Variants in VGLL4 observed in about 807,000 individuals in gnomAD.
VGLL4 encodes transcription cofactor vestigial-like protein 4.
In VGLL4, 7 loss-of-function variants were observed where a neutral mutation model predicts 21.0. That is an observed-to-expected ratio of 0.33 (90% confidence interval 0.19 to 0.63). The LOEUF is 0.63. Among genes scored for constraint, VGLL4 ranks in the 20% least tolerant of loss-of-function variants. VGLL4 has a pLI of 0.78. For missense variants in VGLL4, 394 were observed against 425.7 expected (o/e 0.93, Z 0.66); for synonymous variants, 222 against 173.2 (o/e 1.28, Z -2.21).
chr3:11,560,963 C>T (rs774387052), intron 3 of VGLL4, among the ~76,000 whole-genome samples: 21 of 152,100 alleles, frequency 1.4e-4, no homozygotes, highest in Non-Finnish European at 2.8e-4. Flanking sequence ...GCAGATCTCA[C>T]ACTGGCTGAC....
chr3:11,662,086 C>T (rs2076046719), intron 2 of VGLL4, among the ~76,000 whole-genome samples: 3 of 152,154 alleles, frequency 2.0e-5, no homozygotes, highest in Admixed American at 2.0e-4. Flanking sequence ...CCCAAGAAAG[C>T]TATCAGAAGA....
chr3:11,625,944 A>C (rs978398496), intron 1 of VGLL4, among the ~76,000 whole-genome samples: 2 of 152,172 alleles, frequency 1.3e-5, no homozygotes, highest in Non-Finnish European at 2.9e-5. Flanking sequence ...GGGAGTGATG[A>C]AAATGTTCTA....
rs1283653510 is a variant in VGLL4 at position 11,573,318 on chromosome 3, A to AG, written c.273-8300dup. Among the ~76,000 whole-genome samples, 9 of 19,974 alleles carry AG rather than the reference A, an allele frequency of 4.5e-4. 1 individual carries two copies. Among genetic ancestry groups the AG allele is most frequent in the African/African-American group, 1.9e-3 (7 of 3,640 alleles). The allele number at this position is 19,974 out of a possible 152,430, so 13.1% of individuals were successfully genotyped here. A position where few individuals can be genotyped will look rare whatever the true frequency, so the allele number is the denominator to read the frequency against. ...AAGAAAGAAAGAAAGGAAGGAAGGA[A>AG]GAAAGAAAGAAAGAAAGAAAGAAAG... On this transcript the variant is annotated intron_variant, in intron 2 of 4. Transcript: ENST00000430365.
At chr3:11,720,947 G>A (rs142556919), upstream of VGLL4, among the ~76,000 whole-genome samples, 2 of 152,204 alleles carry the variant, frequency 1.3e-5, no homozygotes, top group African/African-American at 4.8e-5. Flanking sequence ...AGCAACCCTT[G>A]CCCTGTTGTT....
chr3:11,582,271 G>T (rs2074247604), intron 2 of VGLL4: 1 of 1,605,794 alleles, frequency 6.2e-7, no homozygotes, highest in Non-Finnish European at 8.5e-7. Flanking sequence ...AAATGAAAGG[G>T]TTCTTGGTAC....
chr3:11,668,862 T>C (rs1193858703), intron 2 of VGLL4, among the ~76,000 whole-genome samples: 1 of 152,110 alleles, frequency 6.6e-6, no homozygotes, highest in East Asian at 1.9e-4. Flanking sequence ...CCATTACCTG[T>C]GTTCTACTCA....
upstream of VGLL4, among the ~76,000 whole-genome samples, chr3:11,646,595 T>G (rs1459483531): frequency 6.6e-6 from 1 of 152,168 alleles, no homozygotes; most frequent in Non-Finnish European, 1.5e-5. Flanking sequence ...TTTCATTTTA[T>G]TCACTTATTT....
rs149229649 is a variant in VGLL4, at chr3:11,689,354, G to A, written c.64+13617C>T. 4.3e-4 allele frequency among the ~76,000 whole-genome samples: 66 copies of A among 152,134 alleles called. 1 individual carries two copies. The East Asian group carries it at 0.011, about 25-fold the overall frequency. On this transcript the variant is annotated intron_variant, in intron 2 of 5. Transcript: ENST00000273038. ...GCTTCCTATCTCTGACTTTTTGATCGTTCTGCAATGTTTTGCTCTCTATCT... is the reference window on the plus strand; with the variant it reads ...GCTTCCTATCTCTGACTTTTTGATCATTCTGCAATGTTTTGCTCTCTATCT...
intron 1 of VGLL4, among the ~76,000 whole-genome samples, chr3:11,622,567 A>G (rs1177352497): frequency 3.3e-5 from 5 of 152,264 alleles, no homozygotes; most frequent in African/African-American, 4.8e-5. Flanking sequence ...CACAAGGTCA[A>G]TGGGGACTAG....
At chr3:11,678,555 C>T (rs1274489268) in intron 2 of VGLL4, among the ~76,000 whole-genome samples, 1 of 152,218 alleles carries the variant, frequency 6.6e-6, no homozygotes, top group Non-Finnish European at 1.5e-5. Context: ...AGCATTTCAT[C>T]CTAACCCAGG....
At chr3:11,606,602 G>A (rs993973770) in intron 1 of VGLL4, among the ~76,000 whole-genome samples, 1 of 152,152 alleles carries the variant, frequency 6.6e-6, no homozygotes, top group African/African-American at 2.4e-5. Context: ...AGCTAGGATT[G>A]TAAAATGCAC....
intron 1 of VGLL4, among the ~76,000 whole-genome samples, chr3:11,613,296 T>C (rs1235694507): frequency 1.3e-5 from 2 of 152,264 alleles, no homozygotes; most frequent in African/African-American, 2.4e-5. Context: ...CATTCTTTAA[T>C]TGGAGGGAGT....
chr3:11,607,849 G>C (rs2074979645), intron 1 of VGLL4, among the ~76,000 whole-genome samples: 1 of 152,178 alleles, frequency 6.6e-6, no homozygotes, highest in South Asian at 2.1e-4. Context: ...TCAAATCAGT[G>C]AAACACTTGA....
At chr3:11,679,587 G>A (rs2076341749) in intron 2 of VGLL4, among the ~76,000 whole-genome samples, 1 of 152,098 alleles carries the variant, frequency 6.6e-6, no homozygotes, top group Admixed American at 6.5e-5. Flanking sequence ...GGAGGCTGAG[G>A]CAGGAGAACT....
intron 2 of VGLL4, among the ~76,000 whole-genome samples, chr3:11,571,337 C>T (rs552357663): frequency 6.6e-6 from 1 of 152,320 alleles, no homozygotes; most frequent in Non-Finnish European, 1.5e-5. Flanking sequence ...AATGCCGCCA[C>T]AGCCAGCATC....
At chr3:11,634,969 G>C (rs2075559608) in intron 1 of VGLL4, among the ~76,000 whole-genome samples, 1 of 152,168 alleles carries the variant, frequency 6.6e-6, no homozygotes, top group African/African-American at 2.4e-5. Context: ...ACCGCCCCTG[G>C]CCAGGACTCA....
intron 2 of VGLL4, among the ~76,000 whole-genome samples, chr3:11,580,375 T>C (rs1182286458): frequency 6.6e-6 from 1 of 152,240 alleles, no homozygotes; most frequent in African/African-American, 2.4e-5. Context: ...CAGACCACAT[T>C]TGGTTTTTCC....
intron 2 of VGLL4, among the ~76,000 whole-genome samples, chr3:11,577,622 A>C (rs1476928286): frequency 6.6e-6 from 1 of 152,270 alleles, no homozygotes; most frequent in Non-Finnish European, 1.5e-5. Flanking sequence ...GAAAGATTGG[A>C]TGCTTTGTCC....
At chr3:11,713,323 C>T (rs60184884) in intron 1 of VGLL4, among the ~76,000 whole-genome samples, 7,320 of 152,066 alleles carry the variant, frequency 0.048, 583 homozygotes, top group African/African-American at 0.17. Flanking sequence ...CATGACCAGA[C>T]GGATCATTTG....
Sources: allele counts gnomAD v4.1 joint callset (sites outside exome capture counted in the v4.1 genomes callset), GRCh38; gene constraint gnomAD v4.1.1; transcripts MANE v1.5; gene names NCBI Gene and HGNC (gene_info 2026-07-23, HGNC 2026-07-21).